The following SGCZ variants were observed in gnomAD, a reference collection of about 807,000 sequenced individuals.
SGCZ encodes the protein zeta-sarcoglycan.
SGCZ carries 40 observed loss-of-function variants against 41.3 expected under a neutral mutation model. The observed-to-expected ratio is 0.97, with a 90% CI of 0.75 to 1.26. The LOEUF (loss-of-function observed/expected upper bound fraction) is 1.26, where lower values mean the gene tolerates loss of function less well. SGCZ is among the 50% of genes most tolerant of loss of function. The pLI is 0.00. For synonymous variants in SGCZ, 206 were observed against 137.5 expected (o/e 1.50, Z -3.49); for missense variants, 552 against 369.8 (o/e 1.49, Z -4.04).
Position 15,237,600 on chromosome 8 carries a change from G to A in SGCZ, c.24C>T (p.Asp8=). MDRSTNL[D]IEELKMTREQ... is the part of the protein sequence containing the mutation. The stretch of plus-strand genomic sequence containing the variant: ...CCGCACGTACCTTGAGCTCCTCAAT[G>A]TCCAGGTTCGTTGATCTGTCCATGG... Residue 8 remains aspartate, a synonymous_variant, in exon 1 of 8, where the codon GAC becomes GAT. Transcript: ENST00000382080. 1 of 1,590,678 alleles carries A rather than the reference G, an allele frequency of 6.3e-7. No individual in the cohort carries two copies.
chr8:14,632,159 C>T (rs1806676598), intron 1 of SGCZ, among the ~76,000 whole-genome samples: 2 of 152,022 alleles, frequency 1.3e-5, no homozygotes, highest in Non-Finnish European at 2.9e-5. Flanking sequence ...GCTGGGACTA[C>T]AGGCATGCGC....
At chr8:15,108,350 C>G (rs115830996) in intron 1 of SGCZ, among the ~76,000 whole-genome samples, 19 of 152,262 alleles carry the variant, frequency 1.2e-4, no homozygotes, top group African/African-American at 3.9e-4. Flanking sequence ...GCTCACTACC[C>G]TATGCCCTGC....
chr8:14,589,733 T>C (rs1332154383), intron 1 of SGCZ, among the ~76,000 whole-genome samples: 1 of 152,120 alleles, frequency 6.6e-6, no homozygotes, highest in Non-Finnish European at 1.5e-5. Context: ...GAAATTACAG[T>C]AAAAGAAAAA....
intron 3 of SGCZ, among the ~76,000 whole-genome samples, chr8:14,256,993 A>C (rs1029590790): frequency 3.9e-5 from 6 of 152,168 alleles, no homozygotes; most frequent in African/African-American, 1.4e-4. Context: ...TCAATTAAAA[A>C]TAATCCTCAT....
intron 2 of SGCZ, among the ~76,000 whole-genome samples, chr8:14,466,841 G>T (rs891595770): frequency 4.0e-5 from 6 of 151,432 alleles, no homozygotes; most frequent in Non-Finnish European, 7.4e-5. Context: ...TTTTCATTTT[G>T]TTTATACATT....
chr8:15,208,387 G>A (rs1187442989), intron 1 of SGCZ, among the ~76,000 whole-genome samples: 2 of 152,164 alleles, frequency 1.3e-5, no homozygotes, highest in Admixed American at 6.5e-5. Flanking sequence ...CTGTTCTAAT[G>A]ACTCTTTTAT....
intron 4 of SGCZ, among the ~76,000 whole-genome samples, chr8:14,193,246 T>C (rs1805161354): frequency 6.6e-6 from 1 of 151,924 alleles, no homozygotes; most frequent in Non-Finnish European, 1.5e-5. Flanking sequence ...CATGGAATAA[T>C]TTTGTTATTT....
chr8:14,358,489 A>C (rs1803375685), intron 2 of SGCZ, among the ~76,000 whole-genome samples: 1 of 152,218 alleles, frequency 6.6e-6, no homozygotes. Flanking sequence ...TTACTATATA[A>C]AATATGTTAT....
intron 1 of SGCZ, among the ~76,000 whole-genome samples, chr8:14,597,469 T>G (rs1044768611): frequency 3.9e-5 from 6 of 152,190 alleles, no homozygotes; most frequent in Non-Finnish European, 8.8e-5. Flanking sequence ...TCATTCCTTT[T>G]TTTGTTTGTT....
At chr8:14,283,405 C>T (rs181810959) in intron 3 of SGCZ, among the ~76,000 whole-genome samples, 2 of 152,214 alleles carry the variant, frequency 1.3e-5, no homozygotes, top group African/African-American at 4.8e-5. Context: ...ATGAGAATAT[C>T]TAATGTTTCT....
intron 6 of SGCZ, among the ~76,000 whole-genome samples, chr8:14,103,691 C>G (rs371897362): frequency 2.0e-5 from 3 of 151,958 alleles, no homozygotes; most frequent in African/African-American, 7.2e-5. Flanking sequence ...AAATTTTAAT[C>G]CCTATGGGCC....
At chr8:14,288,656 A>G (rs372746354) in intron 3 of SGCZ, among the ~76,000 whole-genome samples, 1 of 152,076 alleles carries the variant, frequency 6.6e-6, no homozygotes, top group Admixed American at 6.6e-5. Flanking sequence ...CATTATATGG[A>G]TTTACCATAT....
chr8:14,108,066 A>T, intron 6 of SGCZ, 97 bp downstream of exon 6: 5 of 863,856 alleles, frequency 5.8e-6, no homozygotes, highest in Non-Finnish European at 8.4e-6. Context: ...GTATATTGGG[A>T]GAAACATTTG....
At chr8:14,496,776 T>G in intron 2 of SGCZ, among the ~76,000 whole-genome samples, 1 of 152,320 alleles carries the variant, frequency 6.6e-6, no homozygotes, top group East Asian at 1.9e-4. Context: ...TTCTTTACTC[T>G]TAAAGAATTC....
chr8:14,248,101 C>G (rs751317229), intron 3 of SGCZ, among the ~76,000 whole-genome samples: 3 of 152,032 alleles, frequency 2.0e-5, no homozygotes, highest in Admixed American at 6.6e-5. Flanking sequence ...TTTTATGGAT[C>G]GAGGAAATTA....
At chr8:14,224,392 C>A (rs1271946914) in intron 4 of SGCZ, among the ~76,000 whole-genome samples, 2 of 152,076 alleles carry the variant, frequency 1.3e-5, no homozygotes, top group Non-Finnish European at 2.9e-5. Flanking sequence ...GAGCTAGGGG[C>A]AGACATAGAG....
chr8:14,254,304 C>T (rs1384307390), intron 3 of SGCZ, among the ~76,000 whole-genome samples: 2 of 152,160 alleles, frequency 1.3e-5, no homozygotes, highest in African/African-American at 4.8e-5. Context: ...TCCCACAATA[C>T]TAGCATTTGA....
chr8:14,280,332 A>G (rs1800379182), intron 3 of SGCZ, among the ~76,000 whole-genome samples: 1 of 151,914 alleles, frequency 6.6e-6, no homozygotes, highest in African/African-American at 2.4e-5. Context: ...AATGTCATAT[A>G]TATAACAGCA....
At chr8:14,450,117 A>G (rs904055254) in intron 2 of SGCZ, among the ~76,000 whole-genome samples, 1 of 152,166 alleles carries the variant, frequency 6.6e-6, no homozygotes, top group Non-Finnish European at 1.5e-5. Context: ...AAATCTGCCA[A>G]TCCTTTTAGA....
Sources: gnomAD v4.1 joint callset for allele counts (sites outside exome capture counted in the v4.1 genomes callset) on GRCh38, gnomAD v4.1.1 for gene constraint, MANE v1.5 for transcripts, NCBI Gene and HGNC (gene_info 2026-07-23, HGNC 2026-07-21) for gene names.